The following CPLANE1 variants were observed in gnomAD, a reference collection of about 807,000 sequenced individuals.
CPLANE1 encodes the protein ciliogenesis and planar polarity effector 1.
CPLANE1 carries 263 observed loss-of-function variants against 362.5 expected under a neutral mutation model. The ratio of observed to expected loss-of-function variants is 0.73; its 90% CI spans 0.66 to 0.80. The LOEUF is 0.80. Among genes scored for constraint, CPLANE1 ranks in the 30% least tolerant of loss-of-function variants. The probability of loss-of-function intolerance (pLI) is 0.00; values close to 1 mark genes in which losing one functional copy is unlikely to be tolerated. For synonymous variants in CPLANE1, 1,212 were observed against 1,302.6 expected (o/e 0.93, Z 1.50); for missense variants, 3,461 against 3,793.4 (o/e 0.91, Z 2.30).
In CPLANE1 at chr5:37,242,074, G is replaced by T. The variant is rs1292950635; in HGVS notation, c.677+939C>A. Among the ~76,000 whole-genome samples the T allele has an allele frequency of 2.6e-5, 4 of 152,024 alleles. No homozygotes were observed. In the East Asian group the frequency reaches 7.7e-4, roughly 29 times the overall value. On this transcript the variant is annotated intron_variant, in intron 6 of 52. Coordinates refer to ENST00000651892, the MANE Select transcript of CPLANE1 (RefSeq NM_001384732.1). ...TTGTAAGAAAATAATGCATATTTTC[G>T]GCTGGGTGAGGTGGCTCATGCCTGT...
chr5:37,128,875 A>G (rs1056454700), intron 46 of CPLANE1, among the ~76,000 whole-genome samples: 3 of 151,832 alleles, frequency 2.0e-5, no homozygotes, highest in Non-Finnish European at 2.9e-5. Context: ...ACAAAAAAAA[A>G]ATCATCATTC....
At chr5:37,121,809 T>C in intron 48 of CPLANE1, 25 bp from the exon 49 acceptor site, 1 of 1,594,640 alleles carries the variant, frequency 6.3e-7, no homozygotes, top group Non-Finnish European at 8.6e-7. Context: ...TTAAGCATCA[T>C]TTATTAAGAG....
intron 44 of CPLANE1, chr5:37,141,175 G>T: frequency 1.0e-6 from 1 of 985,058 alleles, no homozygotes; most frequent in Non-Finnish European, 1.2e-6. Flanking sequence ...CCTCCTCAGT[G>T]GTCTCTATGC....
intron 44 of CPLANE1, chr5:37,139,630 C>T (rs867277061): frequency 7.3e-5 from 39 of 534,554 alleles, no homozygotes; most frequent in Middle Eastern, 7.4e-4. Flanking sequence ...TGGCATACTA[C>T]AACCTCTGCC....
In CPLANE1 at chr5:37,139,372, T is replaced by TA. The variant is rs34646696; in HGVS notation, c.8633-3dup. Reference sequence around the variant, plus strand: ...ACAATTCATCACTGCTATTCATACCTAAAAAAAAAATCATTATTAATAAAA... The same window carrying TA: ...ACAATTCATCACTGCTATTCATACCTAAAAAAAAAAATCATTATTAATAAAA... On this transcript the variant is annotated splice_polypyrimidine_tract_variant and splice_region_variant and intron_variant, in intron 44 of 52. Transcript: ENST00000651892. 2,843 of 1,083,038 alleles carry TA rather than the reference T, an allele frequency of 2.6e-3. No homozygotes were observed. Among genetic ancestry groups the TA allele is most frequent in the South Asian group, 3.5e-3 (202 of 58,434 alleles). 67.1% of individuals were successfully genotyped at this position (1,083,038 alleles called of 1,614,324 possible).
intron 20 of CPLANE1, among the ~76,000 whole-genome samples, chr5:37,196,863 T>G (rs951906588): frequency 6.6e-6 from 1 of 151,586 alleles, no homozygotes; most frequent in East Asian, 1.9e-4. Flanking sequence ...AGCCGGAGGT[T>G]GCGGTGAGCC....
chr5:37,113,218 G>A (rs1477615950), intron 51 of CPLANE1, among the ~76,000 whole-genome samples: 3 of 152,196 alleles, frequency 2.0e-5, no homozygotes, highest in Non-Finnish European at 4.4e-5. Context: ...CTGTGGGAGG[G>A]ACCAGGTGGG....
At position 37,169,432 on chromosome 5, in the gene CPLANE1, A is replaced by G; in HGVS notation, c.6592T>C (p.Tyr2198His). Reference sequence around the variant, plus strand: ...ACAACAGAAGGTGTGGACAAAAGGTAGAGGTGAGTATTTCCAGCAGGAGCT... The same window carrying G: ...ACAACAGAAGGTGTGGACAAAAGGTGGAGGTGAGTATTTCCAGCAGGAGCT... ...YPAPAGNTHL[Y>H]LLSTPSVVQK... is the part of the protein sequence containing the mutation. The change falls in exon 34 of 53, where the codon TAC becomes CAC. Residue 2198 changes from tyrosine to histidine, a missense_variant. Tyr to His is a moderately conservative substitution (Grantham distance 83). Transcript: ENST00000651892. 1.2e-6 allele frequency: 2 copies of G among 1,614,256 alleles called. No individual in the cohort carries two copies. Among genetic ancestry groups the G allele is most frequent in the Non-Finnish European group, 1.7e-6 (2 of 1,180,046 alleles).
chr5:37,184,502 T>C (rs1783468647), intron 25 of CPLANE1, among the ~76,000 whole-genome samples: 2 of 152,204 alleles, frequency 1.3e-5, no homozygotes, highest in Admixed American at 6.5e-5. Flanking sequence ...TAAAAAAAAC[T>C]GAAAGTCCTC....
In CPLANE1 at chr5:37,209,817, C is replaced by A; in HGVS notation, c.2921-3392G>T. 7.4e-7 allele frequency: 1 copy of A among 1,346,612 alleles called. No individual in the cohort carries two copies. Among genetic ancestry groups the A allele is most frequent in the Non-Finnish European group, 1.1e-6 (1 of 938,684 alleles). 83.4% of individuals were successfully genotyped at this position (1,346,612 alleles called of 1,614,324 possible). Reference sequence around the variant, plus strand: ...TTTAAAAGGATTGGCAGAATATCATCAAGCTAAAGAAAGTTGTAATATGGA... The same window carrying A: ...TTTAAAAGGATTGGCAGAATATCATAAAGCTAAAGAAAGTTGTAATATGGA... On this transcript the variant is annotated intron_variant, in intron 16 of 52. Coordinates refer to ENST00000651892, the MANE Select transcript of CPLANE1 (RefSeq NM_001384732.1). The surrounding 1 kb of genome is among the most constrained non-coding windows in gnomAD (Gnocchi z 4.6).
At chr5:37,079,044 T>C in the CPLANE1 span, among the ~76,000 whole-genome samples, 2 of 152,230 alleles carry the variant, frequency 1.3e-5, no homozygotes, top group African/African-American at 4.8e-5. Flanking sequence ...GTGCAGAAGC[T>C]CTTTAGTTCA....
At chr5:37,131,190 G>A (rs1201471473) in intron 46 of CPLANE1, among the ~76,000 whole-genome samples, 6 of 152,220 alleles carry the variant, frequency 3.9e-5, no homozygotes, top group Non-Finnish European at 5.9e-5. Context: ...GCAGAATGCA[G>A]TTATTTGGGG....
Position 37,170,208 on chromosome 5 carries a change from T to A in CPLANE1, c.6295A>T (p.Asn2099Tyr). ...TCAACATCACCACATCCTCTTAGGT[T>A]TGATTCTTGGCTTTCCCCTAAATGC... Reference protein sequence around the residue: ...SVHLGESQESNLRGCGDVEDS... With the variant: ...SVHLGESQESYLRGCGDVEDS... Residue 2099 changes from asparagine (N) to tyrosine (Y), a missense_variant, in exon 33 of 53, where the codon AAC becomes TAC. This residue lies in a region of CPLANE1 where 3,380 missense variants were observed against 3,666.1 expected (regional missense o/e 0.92). Transcript: ENST00000651892. The A allele has an allele frequency of 6.2e-7, 1 of 1,614,200 alleles. No individual in the cohort carries two copies. Among genetic ancestry groups the A allele is most frequent in the Non-Finnish European group, 8.5e-7 (1 of 1,180,034 alleles).
At chr5:37,141,059 A>C in intron 44 of CPLANE1, 1 of 985,354 alleles carries the variant, frequency 1.0e-6, no homozygotes, top group Middle Eastern at 5.2e-4. Context: ...TTACCCACCT[A>C]GTCACTGAGT....
At chr5:37,099,790 A>G in the CPLANE1 span, among the ~76,000 whole-genome samples, 1 of 151,826 alleles carries the variant, frequency 6.6e-6, no homozygotes, top group Non-Finnish European at 1.5e-5. Context: ...TTTCTCCACA[A>G]CCTCACCAGC....
chr5:37,111,102 C>G (rs1293074464), intron 51 of CPLANE1, among the ~76,000 whole-genome samples: 2 of 149,702 alleles, frequency 1.3e-5, no homozygotes, highest in Non-Finnish European at 3.0e-5. Flanking sequence ...CCACCACGCC[C>G]GGCCAATGTA....
At chr5:37,120,942 T>G (rs1437407633) in intron 49 of CPLANE1, among the ~76,000 whole-genome samples, 1 of 152,236 alleles carries the variant, frequency 6.6e-6, no homozygotes. Context: ...TGTTTACAAT[T>G]CTAATAATTT....
intron 16 of CPLANE1, chr5:37,212,166 T>C (rs1161944659): frequency 8.6e-7 from 1 of 1,168,242 alleles, no homozygotes; most frequent in South Asian, 1.2e-5. Flanking sequence ...GGAAAATGAA[T>C]TAGAAATGAG....
At chr5:37,239,907 AGT>A in intron 6 of CPLANE1, 38 bp from the exon 7 acceptor site, 1 of 1,365,274 alleles carries the variant, frequency 7.3e-7, no homozygotes, top group African/African-American at 1.5e-5. Flanking sequence ...CAAAAGGTAT[AGT>A]AACTTTTAAA....
Sources: gnomAD v4.1 joint callset for allele counts (sites outside exome capture counted in the v4.1 genomes callset) on GRCh38, gnomAD v4.1.1 for gene constraint, gnomAD v4.1.1 regional missense constraint, Gnocchi (gnomAD v3.1) non-coding constraint, MANE v1.5 for transcripts, NCBI Gene and HGNC (gene_info 2026-07-23, HGNC 2026-07-21) for gene names.